The following COG5 variants were observed in gnomAD, a reference collection of about 807,000 sequenced individuals.
The protein encoded by COG5 is component of oligomeric golgi complex 5.
COG5 carries 86 observed loss-of-function variants against 110.4 expected under a neutral mutation model. The observed-to-expected ratio is 0.78, with a 90% CI of 0.65 to 0.93. The LOEUF (loss-of-function observed/expected upper bound fraction) is 0.93, where lower values mean the gene tolerates loss of function less well. Ranked by LOEUF, COG5 falls within the 40% of genes least tolerant of loss-of-function variation. The pLI is 0.00. For synonymous variants in COG5, 360 were observed against 334.6 expected (o/e 1.08, Z -0.83); for missense variants, 1,077 against 987.0 (o/e 1.09, Z -1.22).
Position 107,412,492 on chromosome 7 carries a change from T to C in COG5, c.669+10A>G, listed in dbSNP as rs886061874. ...TTTTTTACATTAAAAAACAGTCTTA[T>C]TTTTATTACCTGAGTCTCCAAACCC... is the stretch of plus-strand genomic sequence containing the variant. On this transcript the variant is annotated intron_variant, in intron 7 of 21. Coordinates refer to ENST00000297135, the MANE Select transcript of COG5 (RefSeq NM_006348.5). 4 of 1,611,984 alleles carry C rather than the reference T, an allele frequency of 2.5e-6. No individual in the cohort carries two copies. Among genetic ancestry groups the C allele is most frequent in the Non-Finnish European group, 2.5e-6 (3 of 1,179,408 alleles).
At chr7:107,398,247 T>C (rs1367829790) in intron 7 of COG5, among the ~76,000 whole-genome samples, 1 of 152,170 alleles carries the variant, frequency 6.6e-6, no homozygotes, top group African/African-American at 2.4e-5. Flanking sequence ...AATGTATATA[T>C]CCATAGAACT....
intron 7 of COG5, among the ~76,000 whole-genome samples, chr7:107,392,436 T>C (rs1790687952): frequency 1.3e-5 from 2 of 152,272 alleles, no homozygotes; most frequent in East Asian, 1.9e-4. Context: ...AGACAAGGAA[T>C]AGACGGCAGA....
chr7:107,269,612 T>C (rs1370977268), intron 14 of COG5, among the ~76,000 whole-genome samples: 1 of 152,252 alleles, frequency 6.6e-6, no homozygotes, highest in Non-Finnish European at 1.5e-5. Context: ...TGTGGACTTG[T>C]ATTTTAGTTC....
intron 7 of COG5, among the ~76,000 whole-genome samples, chr7:107,379,151 A>G (rs1814886010): frequency 6.6e-6 from 1 of 152,218 alleles, no homozygotes; most frequent in Non-Finnish European, 1.5e-5. Flanking sequence ...TCAACCCAGA[A>G]TTTCATATCC....
At chr7:107,562,469 T>C (rs1490718189) in intron 1 of COG5, among the ~76,000 whole-genome samples, 2 of 152,216 alleles carry the variant, frequency 1.3e-5, no homozygotes, top group Non-Finnish European at 2.9e-5. Context: ...CTCTACTTTA[T>C]ATGCAATCCT....
At chr7:107,426,587 C>T (rs1793657673) in intron 6 of COG5, among the ~76,000 whole-genome samples, 1 of 152,108 alleles carries the variant, frequency 6.6e-6, no homozygotes, top group Non-Finnish European at 1.5e-5. Flanking sequence ...TCTCTGGGAT[C>T]CCTTTTTCAA....
chr7:107,311,409 C>T (rs1284879371), intron 11 of COG5, among the ~76,000 whole-genome samples: 6 of 76,544 alleles, frequency 7.8e-5, no homozygotes, highest in South Asian at 9.7e-4. Context: ...TTTTTTGAGA[C>T]GGAGTCTCGC....
At chr7:107,525,324 A>T (rs1425934509) in intron 6 of COG5, among the ~76,000 whole-genome samples, 1 of 152,072 alleles carries the variant, frequency 6.6e-6, no homozygotes, top group Non-Finnish European at 1.5e-5. Context: ...ATCAAAATTT[A>T]GCACTTTTTT....
chr7:107,556,077 G>T (rs1023934511), intron 2 of COG5, among the ~76,000 whole-genome samples: 1 of 151,864 alleles, frequency 6.6e-6, no homozygotes, highest in Non-Finnish European at 1.5e-5. Context: ...AAGGTCCTGA[G>T]ACCTGAGAAT....
At chr7:107,381,477 T>G (rs1187585417) in intron 7 of COG5, among the ~76,000 whole-genome samples, 1 of 152,246 alleles carries the variant, frequency 6.6e-6, no homozygotes, top group African/African-American at 2.4e-5. Context: ...ATAATTAAGG[T>G]TAAGTTATTG....
intron 14 of COG5, among the ~76,000 whole-genome samples, chr7:107,266,574 G>A (rs1803819727): frequency 6.6e-6 from 1 of 151,992 alleles, no homozygotes; most frequent in East Asian, 1.9e-4. Flanking sequence ...TTTAAATTTT[G>A]GTGATTTTAC....
At chr7:107,290,284 A>C (rs1289854720) in intron 12 of COG5, among the ~76,000 whole-genome samples, 1 of 152,042 alleles carries the variant, frequency 6.6e-6, no homozygotes, top group Non-Finnish European at 1.5e-5. Flanking sequence ...TAAATCTTGA[A>C]GTCCTCAAAA....
intron 6 of COG5, among the ~76,000 whole-genome samples, chr7:107,466,622 A>T (rs1409762793): frequency 6.6e-6 from 1 of 152,214 alleles, no homozygotes; most frequent in East Asian, 1.9e-4. Context: ...ACTTGATGGA[A>T]GTTCAGCAGA....
At chr7:107,266,727 A>AGAG (rs1288218571) in intron 14 of COG5, among the ~76,000 whole-genome samples, 6 of 152,148 alleles carry the variant, frequency 3.9e-5, no homozygotes. Flanking sequence ...GTGGGAAACC[A>AGAG]GAGGACTAAC....
chr7:107,295,447 A>G (rs1030457036), intron 12 of COG5, among the ~76,000 whole-genome samples: 2 of 152,108 alleles, frequency 1.3e-5, no homozygotes, highest in African/African-American at 2.4e-5. Context: ...AAAATTTGAC[A>G]CAAGTAATGA....
intron 14 of COG5, among the ~76,000 whole-genome samples, chr7:107,267,074 G>A (rs925246934): frequency 1.3e-5 from 2 of 152,112 alleles, no homozygotes; most frequent in African/African-American, 2.4e-5. Flanking sequence ...TAACCAAAAA[G>A]TAAGAAACAA....
At chr7:107,212,827 G>A (rs1241132697) in intron 19 of COG5, among the ~76,000 whole-genome samples, 1 of 152,164 alleles carries the variant, frequency 6.6e-6, no homozygotes, top group Non-Finnish European at 1.5e-5. Context: ...TAAGAGGCAT[G>A]GTTTCACCTT....
chr7:107,475,035 C>T (rs1796887099), intron 6 of COG5: 1 of 1,612,756 alleles, frequency 6.2e-7, no homozygotes, highest in African/African-American at 1.3e-5. Context: ...TTCTTCTCTG[C>T]TGGACACCAA....
chr7:107,437,295 A>G (rs947094569), intron 6 of COG5, among the ~76,000 whole-genome samples: 2 of 152,160 alleles, frequency 1.3e-5, no homozygotes, highest in Non-Finnish European at 2.9e-5. Flanking sequence ...GTGAATAGCT[A>G]GCCCCAGTGC....
Sources: allele counts gnomAD v4.1 joint callset (sites outside exome capture counted in the v4.1 genomes callset), GRCh38; gene constraint gnomAD v4.1.1; transcripts MANE v1.5; gene names NCBI Gene and HGNC (gene_info 2026-07-23, HGNC 2026-07-21).